The following SBF2 variants were observed in gnomAD, a reference collection of about 807,000 sequenced individuals.
SBF2 encodes myotubularin-related protein 13.
A neutral mutation model predicts 225.2 loss-of-function variants in SBF2; 112 were observed. The observed-to-expected ratio is 0.50, with a 90% CI of 0.43 to 0.58. The LOEUF is 0.58. SBF2 is among the 20% of genes least tolerant of loss of function. The probability of loss-of-function intolerance (pLI) is 0.00; values close to 1 mark genes in which losing one functional copy is unlikely to be tolerated. For synonymous variants in SBF2, 763 were observed against 773.3 expected, an observed-to-expected ratio of 0.99 and a Z score of 0.22; for missense variants, 1,996 against 2,206.2, an observed-to-expected ratio of 0.90 and a Z score of 1.91.
intron 24 of SBF2, among the ~76,000 whole-genome samples, chr11:9,843,553 G>A (rs907463685): frequency 2.6e-5 from 4 of 152,290 alleles, no homozygotes; most frequent in Middle Eastern, 6.8e-3. Context: ...TGGAGGTGAA[G>A]ACTCTGAAGA....
chr11:9,963,915 A>G, intron 14 of SBF2, 33 bp from the exon 15 acceptor site: 1 of 1,249,214 alleles, frequency 8.0e-7, no homozygotes, highest in Non-Finnish European at 1.2e-6. Context: ...GCACAAATAA[A>G]TTAAACTTCT....
At chr11:9,999,751 A>C (rs528137987) in intron 8 of SBF2, among the ~76,000 whole-genome samples, 1 of 152,348 alleles carries the variant, frequency 6.6e-6, no homozygotes, top group Non-Finnish European at 1.5e-5. Flanking sequence ...GTGATACCAA[A>C]ATTAAATAGG....
In SBF2 at chr11:10,168,972, T is replaced by C. The variant is rs1056287908; in HGVS notation, c.141+24930A>G. Among the ~76,000 whole-genome samples the C allele has an allele frequency of 9.2e-5, 14 of 152,194 alleles. No individual in the cohort carries two copies. The South Asian group carries it at 2.9e-3, about 32-fold the overall frequency. On this transcript the variant is annotated intron_variant, in intron 2 of 39. Coordinates refer to ENST00000256190, the MANE Select transcript of SBF2 (RefSeq NM_030962.4). Reference sequence around the variant, plus strand: ...AAAGTAAGTACATAATATTGTACTGTTTTTCTTTCTTTTGAAGAGCATTTA... The same window carrying C: ...AAAGTAAGTACATAATATTGTACTGCTTTTCTTTCTTTTGAAGAGCATTTA...
intron 2 of SBF2, among the ~76,000 whole-genome samples, chr11:10,082,064 A>G (rs531507987): frequency 2.5e-4 from 38 of 152,310 alleles, no homozygotes; most frequent in South Asian, 2.1e-4. Context: ...AACTGATACC[A>G]CAGAAATGCA....
Position 9,839,134 on chromosome 11 carries a change from TAGAA to T in SBF2, c.3455+360_3455+363del, listed in dbSNP as rs1349696246. On this transcript the variant is annotated intron_variant, in intron 26 of 39. Transcript: ENST00000256190. ...AAAATATTTACCAACTGACCCTTTA[TAGAA>T]AGAGTTTGTGGCTCCCCAGCCTACA... 8 of 316,762 alleles carry T rather than the reference TAGAA, an allele frequency of 2.5e-5. No homozygotes were observed. The Admixed American group carries it at 3.6e-4, about 14-fold the overall frequency. The allele number at this position is 316,762 out of a possible 1,614,324, so 19.6% of individuals were successfully genotyped here. A position where few individuals can be genotyped will look rare whatever the true frequency, so the allele number is the denominator to read the frequency against.
At chr11:9,901,056 A>G (rs1434974795) in intron 16 of SBF2, among the ~76,000 whole-genome samples, 8 of 152,180 alleles carry the variant, frequency 5.3e-5, no homozygotes, top group Non-Finnish European at 1.2e-4. Flanking sequence ...AAATTTACTT[A>G]TGGATTTTTA....
chr11:9,784,226 A>T, intron 38 of SBF2, 125 bp downstream of exon 38: 1 of 761,034 alleles, frequency 1.3e-6, no homozygotes, highest in Non-Finnish European at 2.3e-6. Context: ...TCCAGACTAC[A>T]TATGAGAGGC....
At chr11:10,241,086 C>CA (rs751078317) in intron 1 of SBF2, among the ~76,000 whole-genome samples, 1 of 152,166 alleles carries the variant, frequency 6.6e-6, no homozygotes, top group Non-Finnish European at 1.5e-5. Flanking sequence ...AGCGGTAGCT[C>CA]ATGCCTGTAA....
chr11:9,883,095 C>T (rs1173177144), intron 17 of SBF2, among the ~76,000 whole-genome samples: 1 of 152,006 alleles, frequency 6.6e-6, no homozygotes, highest in Non-Finnish European at 1.5e-5. Context: ...GATTATGCCT[C>T]TGCACTCCAG....
At chr11:10,226,132 A>G (rs930277615) in intron 1 of SBF2, among the ~76,000 whole-genome samples, 33 of 152,228 alleles carry the variant, frequency 2.2e-4, no homozygotes, top group African/African-American at 7.9e-4. Context: ...CATGGTCACG[A>G]CCCGGTCACA....
intron 1 of SBF2, among the ~76,000 whole-genome samples, chr11:10,272,469 C>T (rs565224138): frequency 3.2e-4 from 49 of 152,252 alleles, no homozygotes; most frequent in Non-Finnish European, 6.0e-4. Flanking sequence ...TTCACCATAC[C>T]ATTTCTTTAA....
chr11:9,906,428 G>A (rs1431646871), intron 16 of SBF2, among the ~76,000 whole-genome samples: 2 of 152,154 alleles, frequency 1.3e-5, no homozygotes, highest in Non-Finnish European at 2.9e-5. Flanking sequence ...TGACCAATTA[G>A]CAGGGAACAG....
At chr11:9,899,294 G>C (rs1379150884) in intron 16 of SBF2, among the ~76,000 whole-genome samples, 5 of 148,254 alleles carry the variant, frequency 3.4e-5, no homozygotes, top group Non-Finnish European at 7.4e-5. Flanking sequence ...AGGAGTTTAA[G>C]ATCAGCCTGG....
chr11:9,867,386 G>A (rs954866565), intron 17 of SBF2, among the ~76,000 whole-genome samples: 2 of 152,084 alleles, frequency 1.3e-5, no homozygotes, highest in Non-Finnish European at 2.9e-5. Context: ...AAAAGAAAAA[G>A]TAACAGATGC....
At chr11:10,073,849 A>G (rs559525249) in intron 2 of SBF2, among the ~76,000 whole-genome samples, 1 of 152,330 alleles carries the variant, frequency 6.6e-6, no homozygotes, top group South Asian at 2.1e-4. Context: ...ACACTTACAT[A>G]CTACAAGTGG....
chr11:10,154,458 G>A (rs1955370078), intron 2 of SBF2, among the ~76,000 whole-genome samples: 1 of 151,994 alleles, frequency 6.6e-6, no homozygotes, highest in Non-Finnish European at 1.5e-5. Context: ...CCTCTGAGTT[G>A]CTAATTTCAG....
At chr11:10,202,680 C>A (rs1055383089) in intron 1 of SBF2, among the ~76,000 whole-genome samples, 13 of 152,126 alleles carry the variant, frequency 8.5e-5, no homozygotes, top group Non-Finnish European at 1.3e-4. Context: ...CCCAGCTACT[C>A]CGGAGTCTGA....
At chr11:9,818,528 C>T (rs1274564009) in intron 28 of SBF2, among the ~76,000 whole-genome samples, 1 of 152,140 alleles carries the variant, frequency 6.6e-6, no homozygotes, top group East Asian at 1.9e-4. Context: ...CTGCCTCCCT[C>T]AAGTGGGTTT....
At chr11:10,039,847 C>G (rs1949585179) in intron 3 of SBF2, among the ~76,000 whole-genome samples, 1 of 151,816 alleles carries the variant, frequency 6.6e-6, no homozygotes, top group African/African-American at 2.4e-5. Flanking sequence ...ACACAGGAAT[C>G]TGTCTGAGTG....
Sources: gnomAD v4.1 joint callset for allele counts (sites outside exome capture counted in the v4.1 genomes callset) on GRCh38, gnomAD v4.1.1 for gene constraint, MANE v1.5 for transcripts, NCBI Gene and HGNC (gene_info 2026-07-23, HGNC 2026-07-21) for gene names.